Variants in RBM22 observed in about 807,000 individuals in gnomAD.
The protein encoded by RBM22 is pre-mRNA-splicing factor RBM22.
Under a neutral mutation model 50.1 loss-of-function variants are expected in RBM22, and 1 was observed. The ratio of observed to expected loss-of-function variants is 0.02; its 90% CI spans 0.01 to 0.09. The LOEUF (loss-of-function observed/expected upper bound fraction) is 0.09. Among genes scored for constraint, RBM22 ranks in the 10% least tolerant of loss-of-function variants. The pLI, the probability that RBM22 is intolerant of heterozygous loss-of-function variation, is 1.00. For missense variants in RBM22, 264 were observed against 529.3 expected (o/e 0.50, Z 4.92); for synonymous variants, 152 against 179.0 (o/e 0.85, Z 1.20).
chr5:150,699,174 T>C (rs868409496), intron 3 of RBM22, 68 bp downstream of exon 3: 1 of 1,540,516 alleles, frequency 6.5e-7, no homozygotes, highest in Middle Eastern at 1.8e-4. Context: ...CTTAGTAAGC[T>C]GAAGGCTAAT....
chr5:150,698,152 C>T (rs927619308), intron 4 of RBM22, among the ~76,000 whole-genome samples: 8 of 152,038 alleles, frequency 5.3e-5, no homozygotes, highest in Non-Finnish European at 7.4e-5. Flanking sequence ...GCACAATTAC[C>T]CTGTGAGCTT....
intron 9 of RBM22, 65 bp downstream of exon 9, chr5:150,693,154 A>G: frequency 6.4e-7 from 1 of 1,558,768 alleles, no homozygotes. Flanking sequence ...CCTGGGTCCC[A>G]TCTTCCAAAA....
In RBM22 at chr5:150,693,020, G is replaced by A. The variant is rs1170766242; in HGVS notation, c.1007C>T (p.Pro336Leu). Reference protein sequence around the residue: ...EPVPGLPGALPPPPAAEEEAS... With the variant: ...EPVPGLPGALLPPPAAEEEAS... ...TTCTTCTTCTGCTGCAGGAGGAGGA[G>A]GAAGAGCTGGAGGAGAGAAAATAGT... The change falls in exon 10 of 11, where the codon CCT (proline) becomes CTT (leucine). Residue 336 changes from proline (P) to leucine (L), a missense_variant. Pro to Leu is a moderately conservative substitution (Grantham distance 98). This residue lies in a region of RBM22 where 106 missense variants were observed against 137.1 expected (regional missense o/e 0.77). Coordinates refer to ENST00000199814, the MANE Select transcript of RBM22 (RefSeq NM_018047.3). 1.9e-6 allele frequency: 3 copies of A among 1,608,098 alleles called. No homozygotes were observed. Among genetic ancestry groups the A allele is most frequent in the Admixed American group, 1.7e-5 (1 of 59,022 alleles).
Position 150,694,222 on chromosome 5 carries a change from G to C in RBM22, c.765C>G (p.Phe255Leu), listed in dbSNP as rs778970894. 2 of 1,609,258 alleles carry C rather than the reference G, an allele frequency of 1.2e-6. No homozygotes were observed. Among genetic ancestry groups the C allele is most frequent in the Non-Finnish European group, 1.7e-6 (2 of 1,178,592 alleles). Residue 255 changes from phenylalanine (F) to leucine (L), a missense_variant, in exon 8 of 11, where the codon TTC becomes TTG. By Grantham distance (22) the Phe-to-Leu change is conservative. Transcript: ENST00000199814. ...CAACAGTGATCGTCCGGATCTCTCC[G>C]AACTGGTAGAAATGATTTCTGAAGG... is the stretch of plus-strand genomic sequence containing the variant. ...ETDLRNHFYQFGEIRTITVVQ... is the reference protein window; with the variant it reads ...ETDLRNHFYQLGEIRTITVVQ...
At chr5:150,699,644 G>A (rs1373689869) in intron 2 of RBM22, among the ~76,000 whole-genome samples, 1 of 152,174 alleles carries the variant, frequency 6.6e-6, no homozygotes, top group Non-Finnish European at 1.5e-5. Context: ...TAGAGTATAT[G>A]CATCTAATGC....
chr5:150,694,234 A>C lies in RBM22; in HGVS notation c.753T>G (p.His251Gln), dbSNP rs750424032. The change falls in exon 8 of 11, where the codon CAT (histidine) becomes CAG (glutamine). Residue 251 changes from histidine (H) to glutamine (Q), a missense_variant. By Grantham distance (24) the His-to-Gln change is conservative (BLOSUM62 0). Transcript: ENST00000199814. ...TCCGGATCTCTCCGAACTGGTAGAA[A>C]TGATTTCTGAAGGGAAACAGGCAGA... Reference protein sequence around the residue: ...DTITETDLRNHFYQFGEIRTI... With the variant: ...DTITETDLRNQFYQFGEIRTI... The C allele has an allele frequency of 4.4e-6, 7 of 1,608,672 alleles. No homozygotes were observed. Among genetic ancestry groups the C allele is most frequent in the African/African-American group, 1.3e-5 (1 of 74,708 alleles).
intron 3 of RBM22, 72 bp downstream of exon 3, chr5:150,699,170 A>C: frequency 6.5e-7 from 1 of 1,533,422 alleles, no homozygotes; most frequent in East Asian, 2.3e-5. Context: ...AAAACTTAGT[A>C]AGCTGAAGGC....
chr5:150,694,312 T>C, intron 7 of RBM22, 72 bp from the exon 8 acceptor site: 1 of 1,521,776 alleles, frequency 6.6e-7, no homozygotes, highest in Middle Eastern at 1.8e-4. Context: ...TGAAAATGGA[T>C]TAACTTTCAC....
chr5:150,701,026 A>G lies in RBM22; in HGVS notation c.-41T>C. 1 of 1,610,886 alleles carries G rather than the reference A, an allele frequency of 6.2e-7. No homozygotes were observed. The highest frequency in any genetic ancestry group is 8.5e-7 in the Non-Finnish European group (1 of 1,177,862). ...AGGTAGCTGTAGCTTCCGAATTGGGAGAGAGGACCGCCACAATCCCGTCAA... is the reference window on the plus strand; with the variant it reads ...AGGTAGCTGTAGCTTCCGAATTGGGGGAGAGGACCGCCACAATCCCGTCAA... On this transcript the variant is annotated 5_prime_UTR_variant, in exon 1 of 11. Coordinates refer to ENST00000199814, the MANE Select transcript of RBM22 (RefSeq NM_018047.3).
rs1399696359 is a variant in RBM22 at position 150,700,936 on chromosome 5, T to G, written c.50A>C (p.Asp17Ala). 1 of 1,614,180 alleles carries G rather than the reference T, an allele frequency of 6.2e-7. No individual in the cohort carries two copies. The highest frequency in any genetic ancestry group is 1.1e-5 in the South Asian group (1 of 91,084). The change falls in exon 1 of 11, where the codon GAT (aspartate) becomes GCT (alanine). Residue 17 changes from aspartate (D) to alanine (A), a missense_variant. Asp to Ala is a moderately radical substitution (Grantham distance 126, BLOSUM62 -2). This residue lies in a region of RBM22 where 16 missense variants were observed against 22.5 expected (regional missense o/e 0.71). Coordinates refer to ENST00000199814, the MANE Select transcript of RBM22 (RefSeq NM_018047.3). Reference protein sequence around the residue: ...SNTYNRQNWEDADFPILCQTC... With the variant: ...SNTYNRQNWEAADFPILCQTC... ...TCCTCCGGCAGGCACACTCACCGCA[T>G]CCTCCCAGTTCTGCCTGTTGTAGGT...
In RBM22 at chr5:150,696,085, T is replaced by G. The variant is rs570138445; in HGVS notation, c.546-379A>C. ...TCCACTGAGAATCTGATTAAAGCTATGAACCTCGCCCCAGAGAAAGCACAT... is the reference window on the plus strand; with the variant it reads ...TCCACTGAGAATCTGATTAAAGCTAGGAACCTCGCCCCAGAGAAAGCACAT... On this transcript the variant is annotated intron_variant, in intron 6 of 10. Transcript: ENST00000199814. This position sits in a 1 kb window ranked among gnomAD's most constrained non-coding sequence, Gnocchi z 4.3. 6.6e-6 allele frequency among the ~76,000 whole-genome samples: 1 copy of G among 151,372 alleles called. No homozygotes were observed. Among genetic ancestry groups the G allele is most frequent in the South Asian group, 2.1e-4 (1 of 4,726 alleles).
chr5:150,693,167 G>C, intron 9 of RBM22, 52 bp downstream of exon 9: 1 of 1,567,376 alleles, frequency 6.4e-7, no homozygotes, highest in Non-Finnish European at 8.7e-7. Context: ...TTCCAAAATA[G>C]GAACATCAGG....
intron 3 of RBM22, 25 bp downstream of exon 3, chr5:150,699,217 A>G (rs747949165): frequency 1.3e-6 from 2 of 1,580,084 alleles, no homozygotes; most frequent in Admixed American, 1.9e-5. Flanking sequence ...AACAGAAATC[A>G]TTACTCTTTA....
chr5:150,693,091 C>T, intron 9 of RBM22, 65 bp from the exon 10 acceptor site: 3 of 1,557,802 alleles, frequency 1.9e-6, no homozygotes, highest in Non-Finnish European at 1.7e-6. Flanking sequence ...TTTCTACCAC[C>T]TTTACATTCT....
At chr5:150,700,278 G>A (rs1759328551) in intron 2 of RBM22, among the ~76,000 whole-genome samples, 166 bp downstream of exon 2, 1 of 152,260 alleles carries the variant, frequency 6.6e-6, no homozygotes, top group Non-Finnish European at 1.5e-5. Context: ...GAGTGTTACC[G>A]GATTCGTAAG....
rs1394804953 is a variant in RBM22, at chr5:150,698,689, G to A, written c.139-58C>T. 1.7e-5 allele frequency: 27 copies of A among 1,592,074 alleles called. No homozygotes were observed. In the Middle Eastern group the frequency reaches 6.9e-4, roughly 41 times the overall value. On this transcript the variant is annotated intron_variant, in intron 3 of 10. Transcript: ENST00000199814. ...ATGGTCCTGATCTGGGCAATCTGGA[G>A]ATCTGATAACAACGGGGCATTCAAA...
intron 7 of RBM22, chr5:150,694,923 T>C (rs2151456505): frequency 6.5e-6 from 1 of 153,386 alleles, no homozygotes; most frequent in East Asian, 1.9e-4. Flanking sequence ...CTCCCTCCTC[T>C]ACATAATTCA....
intron 4 of RBM22, among the ~76,000 whole-genome samples, chr5:150,697,146 G>A (rs1376299437): frequency 7.9e-5 from 12 of 152,220 alleles, no homozygotes. Flanking sequence ...TTTAGGCTGG[G>A]TGTGGTGGCT....
intron 1 of RBM22, 56 bp from the exon 2 acceptor site, chr5:150,700,553 A>G: frequency 6.2e-7 from 1 of 1,612,564 alleles, no homozygotes; most frequent in Non-Finnish European, 8.5e-7. Context: ...CTGACACCTC[A>G]GTGACACTTG....
Sources: gnomAD v4.1 joint callset for allele counts (sites outside exome capture counted in the v4.1 genomes callset) on GRCh38, gnomAD v4.1.1 for gene constraint, gnomAD v4.1.1 regional missense constraint, Gnocchi (gnomAD v3.1) non-coding constraint, MANE v1.5 for transcripts, NCBI Gene and HGNC (gene_info 2026-07-23, HGNC 2026-07-21) for gene names.